Variants in MKLN1 observed in about 807,000 individuals in gnomAD.
MKLN1 encodes muskelin 1.
Under a neutral mutation model 99.0 loss-of-function variants are expected in MKLN1, and 18 were observed. That is an observed-to-expected ratio of 0.18 (90% CI 0.13 to 0.27). MKLN1 has a LOEUF of 0.27. MKLN1 is among the 10% of genes least tolerant of loss of function. MKLN1 has a pLI of 1.00. For missense variants in MKLN1, 621 were observed against 875.9 expected (o/e 0.71, Z 3.67); for synonymous variants, 288 against 293.2 (o/e 0.98, Z 0.18).
intron 3 of MKLN1, among the ~76,000 whole-genome samples, chr7:131,289,610 A>G (rs890766429): frequency 6.6e-6 from 1 of 152,222 alleles, no homozygotes; most frequent in Non-Finnish European, 1.5e-5. Context: ...CACTAGAGAC[A>G]GACCACCTGA....
chr7:131,474,769 C>G (rs1012608985), intron 16 of MKLN1, among the ~76,000 whole-genome samples: 1 of 152,172 alleles, frequency 6.6e-6, no homozygotes, highest in Admixed American at 6.5e-5. Flanking sequence ...GTGTATTAGC[C>G]TGTTCTCACA....
chr7:131,328,141 GC>G, intron 1 of MKLN1, 144 bp downstream of exon 1: 4 of 1,001,696 alleles, frequency 4.0e-6, no homozygotes, highest in Non-Finnish European at 5.8e-6. Context: ...TCTTAGTTCA[GC>G]TGCTGAGAGC....
rs533646071 is a variant in MKLN1 at position 131,396,300 on chromosome 7, T to A, written c.401-967T>A. Among the ~76,000 whole-genome samples, 12 of 152,330 alleles carry A rather than the reference T, an allele frequency of 7.9e-5. No homozygotes were observed. In the South Asian group the frequency reaches 2.5e-3, roughly 32 times the overall value. On this transcript the variant is annotated intron_variant, in intron 4 of 17. Transcript: ENST00000352689. ...GTTTGCCAGGCTGGTTTTGAATTCC[T>A]GGCCTCAAGTGATCCTCTTGCCACG... is the stretch of plus-strand genomic sequence containing the variant.
At chr7:131,123,638 A>C (rs1257276225) in intron 1 of MKLN1, among the ~76,000 whole-genome samples, 1 of 152,168 alleles carries the variant, frequency 6.6e-6, no homozygotes, top group African/African-American at 2.4e-5. Context: ...AAATACAAAA[A>C]TTAGCCAGGC....
chr7:131,188,501 G>A (rs1270252968), intron 2 of MKLN1, among the ~76,000 whole-genome samples: 1 of 152,202 alleles, frequency 6.6e-6, no homozygotes, highest in African/African-American at 2.4e-5. Flanking sequence ...TGACTCCACA[G>A]GATGTCTCAT....
intron 3 of MKLN1, among the ~76,000 whole-genome samples, chr7:131,219,038 G>T (rs1053234173): frequency 6.6e-6 from 1 of 152,148 alleles, no homozygotes; most frequent in African/African-American, 2.4e-5. Flanking sequence ...AATGGTGGTT[G>T]CCAGAAGCTG....
In MKLN1 at chr7:131,443,638, A is replaced by G; in HGVS notation, c.1331A>G (p.Asp444Gly). 6.2e-7 allele frequency: 1 copy of G among 1,613,982 alleles called. No individual in the cohort carries two copies. The highest frequency in any genetic ancestry group is 8.5e-7 in the Non-Finnish European group (1 of 1,179,966). The change falls in exon 11 of 18, where the codon GAC (aspartate) becomes GGC (glycine). Residue 444 changes from aspartate (D) to glycine (G), a missense_variant. By Grantham distance (94) the Asp-to-Gly change is moderately conservative. Around this residue, in one of 8 missense-constraint regions of MKLN1, gnomAD observed 361 missense variants for 540.8 expected, o/e 0.67. Transcript: ENST00000352689. ...CAAACCTGGAAACTTCTTCGAGAGGACTCCTGTAATGCTGGGCCTGAGGAC... is the reference window on the plus strand; with the variant it reads ...CAAACCTGGAAACTTCTTCGAGAGGGCTCCTGTAATGCTGGGCCTGAGGAC... ...QCQTWKLLRE[D>G]SCNAGPEDIQ...
At chr7:131,443,725 G>T (rs574152132) in intron 11 of MKLN1, 23 bp downstream of exon 11, 1 of 1,485,794 alleles carries the variant, frequency 6.7e-7, no homozygotes, top group South Asian at 1.1e-5. Flanking sequence ...CGTACATTGC[G>T]TAAATGTTAT....
chr7:131,446,836 C>T (rs540737987), intron 12 of MKLN1, among the ~76,000 whole-genome samples: 7 of 152,290 alleles, frequency 4.6e-5, no homozygotes, highest in East Asian at 1.9e-4. Flanking sequence ...AGTCCAGAGA[C>T]GGACATGGGA....
rs1797374581 is a variant in MKLN1, at chr7:131,489,686, A to G, written c.*1958A>G. Reference sequence around the variant, plus strand: ...AGCAAGTGAAATTCTGCTGCCCTCCACCATTTATTTTTACAGTGCTTTGTA... The same window carrying G: ...AGCAAGTGAAATTCTGCTGCCCTCCGCCATTTATTTTTACAGTGCTTTGTA... On this transcript the variant is annotated 3_prime_UTR_variant, in exon 18 of 18. Transcript: ENST00000352689. 3 of 152,150 alleles carry G rather than the reference A, an allele frequency of 2.0e-5. No homozygotes were observed. The South Asian group carries it at 6.2e-4, about 32-fold the overall frequency. 9.4% of individuals were successfully genotyped at this position (152,150 alleles called of 1,614,324 possible). A position where few individuals can be genotyped will look rare whatever the true frequency, so the allele number is the denominator to read the frequency against.
intron 5 of MKLN1, 44 bp from the exon 6 acceptor site, chr7:131,399,197 C>G (rs1794453949): frequency 6.5e-7 from 1 of 1,530,210 alleles, no homozygotes; most frequent in Non-Finnish European, 9.0e-7. Context: ...ACAGTATCAT[C>G]TAACCAAATC....
intron 3 of MKLN1, chr7:131,309,743 T>TTTTTTTTTTG (rs1798529745): frequency 2.1e-5 from 3 of 142,956 alleles, no homozygotes; most frequent in Admixed American, 7.1e-5. Flanking sequence ...TTTTTTTTTT[T>TTTTTTTTTTG]GAGACAGGGC....
intron 2 of MKLN1, among the ~76,000 whole-genome samples, chr7:131,178,430 A>G (rs1185469119): frequency 6.6e-6 from 1 of 151,496 alleles, no homozygotes; most frequent in African/African-American, 2.4e-5. Context: ...AGCCACCTAC[A>G]ACTTATTGTC....
chr7:131,298,065 C>T (rs896758872), intron 3 of MKLN1, among the ~76,000 whole-genome samples: 5 of 152,024 alleles, frequency 3.3e-5, no homozygotes, highest in East Asian at 1.9e-4. Context: ...GGATGGATCA[C>T]GAGGTCAGGA....
chr7:131,287,541 G>T (rs533674220), intron 3 of MKLN1, among the ~76,000 whole-genome samples: 1 of 152,200 alleles, frequency 6.6e-6, no homozygotes, highest in South Asian at 2.1e-4. Flanking sequence ...CTACCACAGT[G>T]ATCTAGGATA....
intron 3 of MKLN1, among the ~76,000 whole-genome samples, chr7:131,236,528 G>A (rs750677612): frequency 4.6e-5 from 7 of 152,124 alleles, no homozygotes; most frequent in Non-Finnish European, 8.8e-5. Flanking sequence ...GGGCATGGAG[G>A]TGCCCACCTG....
intron 12 of MKLN1, among the ~76,000 whole-genome samples, chr7:131,462,500 A>T (rs1796545060): frequency 6.6e-6 from 1 of 152,234 alleles, no homozygotes; most frequent in Non-Finnish European, 1.5e-5. Context: ...CCCAGATAAT[A>T]AATCAGTTAA....
intron 3 of MKLN1, among the ~76,000 whole-genome samples, chr7:131,225,310 T>C (rs1797130636): frequency 1.3e-5 from 2 of 152,228 alleles, no homozygotes; most frequent in South Asian, 2.1e-4. Context: ...AGGGAAGATA[T>C]CTCTCCGAGG....
intron 3 of MKLN1, among the ~76,000 whole-genome samples, chr7:131,299,884 A>G (rs1798350361): frequency 6.6e-6 from 1 of 152,206 alleles, no homozygotes; most frequent in South Asian, 2.1e-4. Context: ...ATAGAATGCT[A>G]TAAACAGAAT....
Sources: gnomAD v4.1 joint callset for allele counts (sites outside exome capture counted in the v4.1 genomes callset) on GRCh38, gnomAD v4.1.1 for gene constraint, gnomAD v4.1.1 regional missense constraint, MANE v1.5 for transcripts, NCBI Gene and HGNC (gene_info 2026-07-23, HGNC 2026-07-21) for gene names.